Variants in DSPP observed in about 807,000 individuals in gnomAD.
DSPP encodes dentin sialophosphoprotein, also known as deafness, autosomal dominant 39.
In DSPP, 28 loss-of-function variants were observed where a neutral mutation model predicts 29.1. The ratio of observed to expected loss-of-function variants is 0.96; its 90% CI spans 0.71 to 1.32. The LOEUF (loss-of-function observed/expected upper bound fraction) is 1.32. Ranked by LOEUF, DSPP falls within the 40% of genes most tolerant of loss-of-function variation. DSPP has a pLI of 0.00. For synonymous variants in DSPP, 481 were observed against 503.4 expected, an observed-to-expected ratio of 0.96 and a Z score of 0.60; for missense variants, 1,281 against 1,629.9, an observed-to-expected ratio of 0.79 and a Z score of 3.69.
At chr4:87,610,983 C>G (rs774487878) in intron 2 of DSPP, 24 bp downstream of exon 2, 2 of 1,607,376 alleles carry the variant, frequency 1.2e-6, no homozygotes, top group African/African-American at 2.7e-5. Context: ...TCTTAGAAAA[C>G]CTCTTCACTT....
Position 87,614,332 on chromosome 4 carries a change from G to A in DSPP, c.1670G>A (p.Ser557Asn). 1 of 1,609,342 alleles carries A rather than the reference G, an allele frequency of 6.2e-7. No individual in the cohort carries two copies. The change falls in exon 5 of 5, where the codon AGC becomes AAC. Residue 557 changes from serine (S) to asparagine (N), a missense_variant. Transcript: ENST00000651931. ...SDSSDSDSSD[S>N]SNSSDSSDSS... Reference sequence around the variant, plus strand: ...AGCAGTGACAGTGATAGTAGTGATAGCAGCAATAGCAGTGATAGTAGTGAC... The same window carrying A: ...AGCAGTGACAGTGATAGTAGTGATAACAGCAATAGCAGTGATAGTAGTGAC...
In DSPP at chr4:87,614,147, T is replaced by C. The variant is rs1364408803; in HGVS notation, c.1485T>C (p.Ser495=). The C allele has an allele frequency of 1.2e-6, 2 of 1,614,200 alleles. No homozygotes were observed. The highest frequency in any genetic ancestry group is 1.7e-5 in the Admixed American group (1 of 60,030). Residue 495 remains serine, a synonymous_variant, in exon 5 of 5, where the codon TCT becomes TCC. Coordinates refer to ENST00000651931, the MANE Select transcript of DSPP (RefSeq NM_014208.3). ...SSSRGDASYN[S]DESKDNGNGS... ...GCCGAGGAGATGCTTCTTATAACTC[T>C]GATGAATCAAAAGATAATGGCAATG...
chr4:87,614,485 G>A lies in DSPP; in HGVS notation c.1823G>A (p.Ser608Asn). 6.4e-7 allele frequency: 1 copy of A among 1,551,752 alleles called. No individual in the cohort carries two copies. The highest frequency in any genetic ancestry group is 8.7e-7 in the Non-Finnish European group (1 of 1,147,018). Residue 608 changes from serine to asparagine, a missense_variant, in exon 5 of 5, where the codon AGT (serine) becomes AAT (asparagine). Coordinates refer to ENST00000651931, the MANE Select transcript of DSPP (RefSeq NM_014208.3). ...SSNSSDSSDSSDSSDSSDSSD... is the reference protein window; with the variant it reads ...SSNSSDSSDSNDSSDSSDSSD... The stretch of plus-strand genomic sequence containing the variant: ...AATAGCAGTGACAGTAGTGACAGCA[G>A]TGATAGCAGTGACAGTAGTGATAGT...
Position 87,614,583 on chromosome 4 carries a change from GACAGCAGTGACAGCA to G in DSPP, c.1935_1949del (p.Asn646_Ser650del), listed in dbSNP as rs1727815647. The G allele has an allele frequency of 6.4e-7, 1 of 1,550,864 alleles. No homozygotes were observed. Among genetic ancestry groups the G allele is most frequent in the African/African-American group, 1.4e-5 (1 of 72,810 alleles). On this transcript the variant is annotated inframe_deletion, in exon 5 of 5. Coordinates refer to ENST00000651931, the MANE Select transcript of DSPP (RefSeq NM_014208.3). The stretch of plus-strand genomic sequence containing the variant: ...CAGCAGTGATAGTGACAGTAAGTCA[GACAGCAGTGACAGCA>G]ACAGCAGTGACAGTAGTGACAACAG...
chr4:87,608,688 A>G (rs1727680405), intron 1 of DSPP, 68 bp downstream of exon 1: 1 of 152,248 alleles, frequency 6.6e-6, no homozygotes, highest in South Asian at 2.1e-4. Flanking sequence ...AATTTCAAAG[A>G]TGAAGCCAGT....
Position 87,612,520 on chromosome 4 carries a change from G to T in DSPP, c.334G>T (p.Asp112Tyr). ...GGGGAATATTGAGGGCTGGAATGGGGACACAGGAAAAGCAGAAACATATGG... is the reference window on the plus strand; with the variant it reads ...GGGGAATATTGAGGGCTGGAATGGGTACACAGGAAAAGCAGAAACATATGG... The part of the protein sequence containing the change: ...EEGNIEGWNG[D>Y]TGKAETYGHD... Residue 112 changes from aspartate (D) to tyrosine (Y), a missense_variant, in exon 4 of 5, where the codon GAC becomes TAC. Asp to Tyr is a radical substitution (Grantham distance 160). Around this residue, in one of 4 missense-constraint regions of DSPP, gnomAD observed 631 missense variants for 643.2 expected, o/e 0.98. Transcript: ENST00000651931. The T allele has an allele frequency of 6.2e-7, 1 of 1,614,052 alleles. No individual in the cohort carries two copies.
chr4:87,609,355 G>A (rs1046164759), intron 1 of DSPP, among the ~76,000 whole-genome samples: 1 of 152,156 alleles, frequency 6.6e-6, no homozygotes, highest in African/African-American at 2.4e-5. Context: ...GTATGCTGAG[G>A]CTCTTCCAAA....
At chr4:87,613,707 A>T in intron 4 of DSPP, 78 bp from the exon 5 acceptor site, 1 of 1,601,374 alleles carries the variant, frequency 6.2e-7, no homozygotes, top group Non-Finnish European at 8.5e-7. Context: ...AACTTTTCCC[A>T]GTTATTCTTC....
In DSPP at chr4:87,614,429, TAGCAGTGAC is replaced by T. The variant is rs1560478534; in HGVS notation, c.1770_1778del (p.Ser591_Ser593del). 2 of 1,555,406 alleles carry T rather than the reference TAGCAGTGAC, an allele frequency of 1.3e-6. No individual in the cohort carries two copies. Among genetic ancestry groups the T allele is most frequent in the Admixed American group, 3.9e-5 (2 of 51,114 alleles). ...ACAGCAGTGACAGTGACAGCAGTGA[TAGCAGTGAC>T]AGTGATAGTAGTGATAGCAGCAATA... On this transcript the variant is annotated inframe_deletion, in exon 5 of 5. Coordinates refer to ENST00000651931, the MANE Select transcript of DSPP (RefSeq NM_014208.3).
Position 87,613,449 on chromosome 4 carries a change from G to C in DSPP, c.1122+141G>C, listed in dbSNP as rs1033271430. 15 of 1,030,248 alleles carry C rather than the reference G, an allele frequency of 1.5e-5. No homozygotes were observed. In the East Asian group the frequency reaches 3.6e-4, roughly 25 times the overall value. 63.8% of individuals were successfully genotyped at this position (1,030,248 alleles called of 1,614,324 possible). On this transcript the variant is annotated intron_variant, in intron 4 of 4. Coordinates refer to ENST00000651931, the MANE Select transcript of DSPP (RefSeq NM_014208.3). Reference sequence around the variant, plus strand: ...ACTTGACTATTTAAGGAAATCTAGAGTCCTTACTAGACTTCGAGATAGAAC... The same window carrying C: ...ACTTGACTATTTAAGGAAATCTAGACTCCTTACTAGACTTCGAGATAGAAC...
rs552521117 is a variant in DSPP at position 87,610,087 on chromosome 4, C to T, written c.-28-794C>T. Among the ~76,000 whole-genome samples the T allele has an allele frequency of 2.6e-5, 4 of 152,256 alleles. No homozygotes were observed. The South Asian group carries it at 8.3e-4, about 32-fold the overall frequency. On this transcript the variant is annotated intron_variant, in intron 1 of 4. Coordinates refer to ENST00000651931, the MANE Select transcript of DSPP (RefSeq NM_014208.3). The stretch of plus-strand genomic sequence containing the variant: ...GTGCTTTGCATTGGAATACAATAAT[C>T]ACCAAGACACTCTCCTGGGCCTCAG...
chr4:87,614,280 T>C lies in DSPP; in HGVS notation c.1618T>C (p.Ser540Pro). ...GNNGNDDNDK[S>P]DSGKGKSDSS... is the part of the protein sequence containing the mutation. ...CAATGGGAATGATGACAATGACAAA[T>C]CAGACAGTGGCAAAGGTAAATCAGA... The change falls in exon 5 of 5, where the codon TCA (serine) becomes CCA (proline). Residue 540 changes from serine (S) to proline (P), a missense_variant. By Grantham distance (74) the Ser-to-Pro change is moderately conservative. Transcript: ENST00000651931. 1 of 1,614,034 alleles carries C rather than the reference T, an allele frequency of 6.2e-7. No individual in the cohort carries two copies. Among genetic ancestry groups the C allele is most frequent in the East Asian group, 2.2e-5 (1 of 44,868 alleles).
rs201295377 is a variant in DSPP, at chr4:87,616,232, T to C, written c.3570T>C (p.Ser1190=). The change falls in exon 5 of 5, where the codon AGT becomes AGC. Residue 1190 remains serine (S), a synonymous_variant. Transcript: ENST00000651931. ...SSDSSDSSDS[S]DSSDSSDSSD... is the part of the protein sequence containing the mutation. ...ATAGCAGCGACAGCAGTGATAGCAG[T>C]GACAGCAGCGACAGCAGCGATAGCA... 155,585 of 1,231,486 alleles carry C rather than the reference T, an allele frequency of 0.13. 24,716 individuals carry two copies. The highest frequency in any genetic ancestry group is 0.25 in the Admixed American group (10,717 of 43,630). The allele number at this position is 1,231,486 out of a possible 1,614,324, so 76.3% of individuals were successfully genotyped here. A position where few individuals can be genotyped will look rare whatever the true frequency, so the allele number is the denominator to read the frequency against.
In DSPP at chr4:87,612,703, A is replaced by G; in HGVS notation, c.517A>G (p.Asn173Asp). 1 of 1,614,200 alleles carries G rather than the reference A, an allele frequency of 6.2e-7. No homozygotes were observed. Among genetic ancestry groups the G allele is most frequent in the African/African-American group, 1.3e-5 (1 of 75,066 alleles). Residue 173 changes from asparagine to aspartate, a missense_variant, in exon 4 of 5, where the codon AAT becomes GAT. Coordinates refer to ENST00000651931, the MANE Select transcript of DSPP (RefSeq NM_014208.3). Reference sequence around the variant, plus strand: ...TGGGGATGTTGGCGATGCAGGTCACAATGAGGATGTCGCTGTTGTCCAAGA... The same window carrying G: ...TGGGGATGTTGGCGATGCAGGTCACGATGAGGATGTCGCTGTTGTCCAAGA... ...QNGDVGDAGH[N>D]EDVAVVQEDG...
rs745962893 is a variant in DSPP at position 87,613,179 on chromosome 4, T to C, written c.993T>C (p.Gly331=). 1.2e-6 allele frequency: 2 copies of C among 1,613,994 alleles called. No homozygotes were observed. The highest frequency in any genetic ancestry group is 3.3e-5 in the Admixed American group (2 of 59,996). Residue 331 remains glycine (G), a synonymous_variant, in exon 4 of 5, where the codon GGT becomes GGC. Coordinates refer to ENST00000651931, the MANE Select transcript of DSPP (RefSeq NM_014208.3). ...KTSKSEENSA[G]IPEDNGSQRI... is the part of the protein sequence containing the mutation. ...CCAAGAGTGAGGAGAATTCTGCTGGTATTCCAGAAGACAATGGCAGCCAAA... is the reference window on the plus strand; with the variant it reads ...CCAAGAGTGAGGAGAATTCTGCTGGCATTCCAGAAGACAATGGCAGCCAAA...
At position 87,612,454 on chromosome 4, in the gene DSPP, G is replaced by A. The variant is rs1727753644; in HGVS notation, c.268G>A (p.Gly90Arg). The A allele has an allele frequency of 2.5e-6, 4 of 1,613,796 alleles. No individual in the cohort carries two copies. In the South Asian group the frequency reaches 4.4e-5, roughly 18 times the overall value. The change falls in exon 4 of 5, where the codon GGG (glycine) becomes AGG (arginine). Residue 90 changes from glycine (G) to arginine (R), a missense_variant. Transcript: ENST00000651931. ...GNGSKWAEVG[G>R]KSFSTYSTLA... ...TGGCTCTAAGTGGGCAGAAGTAGGAGGGAAGAGTTTTTCTACATATTCCAC... is the reference window on the plus strand; with the variant it reads ...TGGCTCTAAGTGGGCAGAAGTAGGAAGGAAGAGTTTTTCTACATATTCCAC...
chr4:87,616,520 C>T lies in DSPP; in HGVS notation c.3858C>T (p.Asp1286=). The T allele has an allele frequency of 6.4e-7, 1 of 1,551,686 alleles. No individual in the cohort carries two copies. The highest frequency in any genetic ancestry group is 8.7e-7 in the Non-Finnish European group (1 of 1,146,992). ...GNGNNNGSDS[D]SDSEGSDSNH... is the part of the protein sequence containing the mutation. ...GTAACAACAATGGAAGTGACAGTGA[C>T]AGTGACAGTGAAGGCAGTGACAGTA... Residue 1286 remains aspartate (D), a synonymous_variant, in exon 5 of 5, where the codon GAC becomes GAT. Transcript: ENST00000651931.
In DSPP at chr4:87,616,741, T is replaced by C. The variant is rs1052969547; in HGVS notation, c.*173T>C. 4.0e-6 allele frequency: 4 copies of C among 1,009,092 alleles called. No homozygotes were observed. The African/African-American group carries it at 4.9e-5, about 12-fold the overall frequency. 62.5% of individuals were successfully genotyped at this position (1,009,092 alleles called of 1,614,324 possible). A position where few individuals can be genotyped will look rare whatever the true frequency, so the allele number is the denominator to read the frequency against. On this transcript the variant is annotated 3_prime_UTR_variant, in exon 5 of 5. Transcript: ENST00000651931. Reference sequence around the variant, plus strand: ...GGATTCAGAACCAAGACCTAACTCCTGCAGAGACAGACTCTGAATGCATGA... The same window carrying C: ...GGATTCAGAACCAAGACCTAACTCCCGCAGAGACAGACTCTGAATGCATGA...
At position 87,613,949 on chromosome 4, in the gene DSPP, A is replaced by G; in HGVS notation, c.1287A>G (p.Lys429=). The change falls in exon 5 of 5, where the codon AAA becomes AAG. Residue 429 remains lysine (K), a synonymous_variant. Transcript: ENST00000651931. ...TCAACATAGAAGGACCTGGCCAAAA[A>G]TCAGAACCAGGAAATAAAGTTGGAC... ...EVVNIEGPGQ[K]SEPGNKVGHS... 1 of 1,614,214 alleles carries G rather than the reference A, an allele frequency of 6.2e-7. No homozygotes were observed. The highest frequency in any genetic ancestry group is 1.1e-5 in the South Asian group (1 of 91,088).
Sources: gnomAD v4.1 joint callset for allele counts (sites outside exome capture counted in the v4.1 genomes callset) on GRCh38, gnomAD v4.1.1 for gene constraint, gnomAD v4.1.1 regional missense constraint, MANE v1.5 for transcripts, NCBI Gene and HGNC (gene_info 2026-07-23, HGNC 2026-07-21) for gene names.